The following MTCL1 variants were observed in gnomAD, a reference collection of about 807,000 sequenced individuals.
MTCL1 encodes microtubule crosslinking factor 1.
In MTCL1, 79 loss-of-function variants were observed where a neutral mutation model predicts 141.4. The observed-to-expected ratio is 0.56, with a 90% CI of 0.47 to 0.67. The LOEUF is 0.67. Among genes scored for constraint, MTCL1 ranks in the 30% least tolerant of loss-of-function variants. MTCL1 has a pLI of 0.00. For synonymous variants in MTCL1, 914 were observed against 875.8 expected, an observed-to-expected ratio of 1.04 and a Z score of -0.77; for missense variants, 2,177 against 2,113.9, an observed-to-expected ratio of 1.03 and a Z score of -0.59.
At chr18:8,710,888 C>CT (rs71356255) in intron 1 of MTCL1, among the ~76,000 whole-genome samples, 38,812 of 81,002 alleles carry the variant, frequency 0.48, 9,167 homozygotes, top group South Asian at 0.52. Flanking sequence ...TTTTTTTTTA[C>CT]TTTTTTTTTT....
upstream of MTCL1, among the ~76,000 whole-genome samples, chr18:8,712,976 G>A (rs912320630): frequency 2.6e-5 from 4 of 152,114 alleles, no homozygotes; most frequent in African/African-American, 4.8e-5. Context: ...TTATTAACAT[G>A]ATTAAGAGTT....
In MTCL1 at chr18:8,705,870, G is replaced by A; in HGVS notation, c.210G>A (p.Pro70=). ...CCGTCCCCTCCTCGGGCCGAGCCCC[G>A]GCTCCCGCCGCCCCGCGCTCGCCCA... is the stretch of plus-strand genomic sequence containing the variant. Residue 70 remains proline (P), a synonymous_variant, in exon 1 of 14, where the codon CCG becomes CCA. Coordinates refer to the MTCL1 transcript ENST00000306329. The surrounding 1 kb of genome is among the most constrained non-coding windows in gnomAD (Gnocchi z 5.2). 2 of 1,136,108 alleles carry A rather than the reference G, an allele frequency of 1.8e-6. No individual in the cohort carries two copies. Among genetic ancestry groups the A allele is most frequent in the Non-Finnish European group, 2.2e-6 (2 of 926,318 alleles). 70.4% of individuals were successfully genotyped at this position (1,136,108 alleles called of 1,614,324 possible). A position where few individuals can be genotyped will look rare whatever the true frequency, so the allele number is the denominator to read the frequency against.
chr18:8,781,521 A>G (rs1400283914), intron 5 of MTCL1, among the ~76,000 whole-genome samples: 1 of 152,214 alleles, frequency 6.6e-6, no homozygotes, highest in Non-Finnish European at 1.5e-5. Flanking sequence ...AGAAGGAAAA[A>G]GACTCTTTAC....
chr18:8,742,585 C>T (rs1309414054), intron 4 of MTCL1, among the ~76,000 whole-genome samples: 1 of 152,192 alleles, frequency 6.6e-6, no homozygotes, highest in Non-Finnish European at 1.5e-5. Context: ...GGAAACCACC[C>T]TCATGATTCT....
intron 1 of MTCL1, chr18:8,707,484 G>A (rs1337231454): frequency 1.3e-5 from 2 of 152,736 alleles, no homozygotes; most frequent in Non-Finnish European, 2.9e-5. Context: ...CCTTAGCACT[G>A]GGTGCTTAAT....
chr18:8,767,875 AT>A (rs1358279083), intron 4 of MTCL1, among the ~76,000 whole-genome samples: 1 of 152,214 alleles, frequency 6.6e-6, no homozygotes, highest in Non-Finnish European at 1.5e-5. Flanking sequence ...GTTTTAGTGT[AT>A]TTGCTTCCAA....
chr18:8,755,412 G>C (rs535701742), intron 4 of MTCL1, among the ~76,000 whole-genome samples: 1 of 152,178 alleles, frequency 6.6e-6, no homozygotes, highest in Admixed American at 6.5e-5. Flanking sequence ...TGGCGAGGTC[G>C]TTCTTTGGCC....
exon 1 of MTCL1, chr18:8,706,161 G>C: frequency 8.2e-7 from 1 of 1,221,352 alleles, no homozygotes; most frequent in Non-Finnish European, 1.0e-6. Context: ...GCGGCTCCCG[G>C]GCGCCACCCG....
At chr18:8,805,543 G>A (rs1257888594) in intron 10 of MTCL1, among the ~76,000 whole-genome samples, 1 of 152,162 alleles carries the variant, frequency 6.6e-6, no homozygotes, top group Non-Finnish European at 1.5e-5. Context: ...ATGTTTAGTG[G>A]ATCAACTAGA....
chr18:8,777,096 C>T (rs1054202689), intron 4 of MTCL1, among the ~76,000 whole-genome samples: 9 of 152,078 alleles, frequency 5.9e-5, no homozygotes, highest in African/African-American at 2.2e-4. Context: ...ATTAGCCAGG[C>T]GTGGTGGCAG....
At position 8,828,069 on chromosome 18, in the gene MTCL1, T is replaced by G. The variant is rs1428550221; in HGVS notation, c.4723-839T>G. Among the ~76,000 whole-genome samples, 1 of 152,236 alleles carries G rather than the reference T, an allele frequency of 6.6e-6. No homozygotes were observed. The highest frequency in any genetic ancestry group is 1.5e-5 in the Non-Finnish European group (1 of 68,042). The stretch of plus-strand genomic sequence containing the variant: ...ATTTCTGTTGGAATTTTCCTCGTTC[T>G]AGATTCCAGTGGGATTGTTCTGAAT... On this transcript the variant is annotated intron_variant, in intron 15 of 16. Coordinates refer to ENST00000359865, the Ensembl canonical transcript of MTCL1. This position sits in a 1 kb window ranked among gnomAD's most constrained non-coding sequence, Gnocchi z 5.2.
chr18:8,710,863 G>T (rs1022582344), intron 1 of MTCL1, among the ~76,000 whole-genome samples: 172 of 47,840 alleles, frequency 3.6e-3, no homozygotes, highest in Non-Finnish European at 4.6e-3. Context: ...TTTTTAATCT[G>T]TTTTCTTTTT....
At chr18:8,783,652 C>T (rs568383214) in exon 6 of MTCL1, 3 of 1,613,144 alleles carry the variant, frequency 1.9e-6, no homozygotes, top group East Asian at 2.2e-5. Flanking sequence ...TCCAGAAGTA[C>T]AAGTCCCTCT....
rs12605500 is a variant in MTCL1, at chr18:8,742,724, A to G, written c.357+22228A>G. 2.9e-3 allele frequency among the ~76,000 whole-genome samples: 443 copies of G among 152,362 alleles called. 14 individuals are homozygous for G. The East Asian group carries it at 0.043, about 15-fold the overall frequency. ...TGCTGACTATTTCAAAGCAAGTCTC[A>G]GATACCTACACACGTGTTATTTAGT... On this transcript the variant is annotated intron_variant, in intron 4 of 16. Coordinates refer to ENST00000359865, the Ensembl canonical transcript of MTCL1.
At chr18:8,809,080 G>C (rs2076394971) in intron 11 of MTCL1, among the ~76,000 whole-genome samples, 2 of 151,952 alleles carry the variant, frequency 1.3e-5, no homozygotes, top group African/African-American at 4.8e-5. Context: ...GCTCATTTGA[G>C]AAGCTTAGGT....
rs953743626 is a variant in MTCL1 at position 8,721,590 on chromosome 18, C to T, written c.357+1094C>T. The stretch of plus-strand genomic sequence containing the variant: ...TCTTTCTCCAGGCACTCACCTGTGG[C>T]TCATTCCCTTATCTCTTTCGGGTCC... On this transcript the variant is annotated intron_variant, in intron 4 of 16. Transcript: ENST00000359865. 2.4e-4 allele frequency among the ~76,000 whole-genome samples: 36 copies of T among 152,298 alleles called. No homozygotes were observed. The East Asian group carries it at 5.4e-3, about 23-fold the overall frequency.
At chr18:8,723,980 G>A (rs1010350254) in intron 4 of MTCL1, among the ~76,000 whole-genome samples, 2 of 152,172 alleles carry the variant, frequency 1.3e-5, no homozygotes, top group Admixed American at 1.3e-4. Flanking sequence ...GGTTTCCTGG[G>A]GCTGGGGAGA....
chr18:8,773,742 A>G (rs934675717), intron 4 of MTCL1, among the ~76,000 whole-genome samples: 1 of 152,150 alleles, frequency 6.6e-6, no homozygotes, highest in African/African-American at 2.4e-5. Flanking sequence ...TGATCTCACA[A>G]TATGTTTAGT....
exon 9 of MTCL1, chr18:8,796,241 G>C (rs766470719): frequency 9.3e-6 from 15 of 1,613,874 alleles, no homozygotes; most frequent in African/African-American, 1.3e-5. Context: ...GATGGAGGAG[G>C]AGCACCTCTA....
Sources: gnomAD v4.1 joint callset for allele counts (sites outside exome capture counted in the v4.1 genomes callset) on GRCh38, gnomAD v4.1.1 for gene constraint, Gnocchi (gnomAD v3.1) non-coding constraint, MANE v1.5 for transcripts, NCBI Gene and HGNC (gene_info 2026-07-23, HGNC 2026-07-21) for gene names.